Variants in SLC24A2 observed in about 807,000 individuals in gnomAD.
The protein encoded by SLC24A2 is sodium/potassium/calcium exchanger 2.
A neutral mutation model predicts 62.0 loss-of-function variants in SLC24A2; 36 were observed. The ratio of observed to expected loss-of-function variants is 0.58; its 90% confidence interval spans 0.44 to 0.77. The LOEUF (loss-of-function observed/expected upper bound fraction) is 0.77. SLC24A2 is among the 30% of genes least tolerant of loss of function. SLC24A2 has a pLI of 0.00. For missense variants in SLC24A2, 846 were observed against 817.9 expected, an observed-to-expected ratio of 1.03 and a Z score of -0.42; for synonymous variants, 358 against 294.0, an observed-to-expected ratio of 1.22 and a Z score of -2.23.
the SLC24A2 span, among the ~76,000 whole-genome samples, chr9:19,960,517 G>C: frequency 7.9e-5 from 12 of 152,306 alleles, no homozygotes; most frequent in African/African-American, 2.9e-4. Flanking sequence ...CTGCTATTGT[G>C]TGGGCTAAAG....
At chr9:19,679,095 C>T (rs992125410) in intron 2 of SLC24A2, among the ~76,000 whole-genome samples, 3 of 152,112 alleles carry the variant, frequency 2.0e-5, no homozygotes, top group African/African-American at 4.8e-5. Context: ...AGGGACCTGG[C>T]AGGGGATTGA....
the SLC24A2 span, among the ~76,000 whole-genome samples, chr9:20,016,984 C>T: frequency 2.0e-5 from 3 of 152,084 alleles, no homozygotes; most frequent in Admixed American, 1.3e-4. Context: ...TTTAAAAGGG[C>T]ATAGTTGCTA....
the SLC24A2 span, among the ~76,000 whole-genome samples, chr9:19,990,635 C>CA: frequency 0.026 from 3,029 of 116,784 alleles, 75 homozygotes; most frequent in African/African-American, 0.072. Flanking sequence ...AAAAACAAAA[C>CA]AAAAAAAAAA....
At chr9:19,930,073 GTTAA>G in the SLC24A2 span, 2 of 152,032 alleles carry the variant, frequency 1.3e-5, no homozygotes, top group African/African-American at 4.8e-5. Context: ...AGTAACAAAG[GTTAA>G]TTTATTATTG....
chr9:19,953,384 G>C, the SLC24A2 span, among the ~76,000 whole-genome samples: 1 of 151,964 alleles, frequency 6.6e-6, no homozygotes, highest in Non-Finnish European at 1.5e-5. Flanking sequence ...TAGATATCAT[G>C]GCAGATCTGA....
intron 4 of SLC24A2, among the ~76,000 whole-genome samples, chr9:19,600,499 G>C (rs1366944349): frequency 6.6e-6 from 1 of 152,190 alleles, no homozygotes; most frequent in Non-Finnish European, 1.5e-5. Flanking sequence ...TGAAAGGTAG[G>C]TTATAATCAC....
At chr9:20,144,706 A>C in the SLC24A2 span, among the ~76,000 whole-genome samples, 1 of 152,118 alleles carries the variant, frequency 6.6e-6, no homozygotes, top group Non-Finnish European at 1.5e-5. Flanking sequence ...AAGGGTTGTC[A>C]ATCGGGGTCA....
chr9:19,787,730 T>C (rs534828217), intron 1 of SLC24A2, among the ~76,000 whole-genome samples: 113 of 152,166 alleles, frequency 7.4e-4, no homozygotes, highest in African/African-American at 2.6e-3. Context: ...GCTAAATATT[T>C]TTTTTAAAAA....
At chr9:19,768,019 T>A (rs1002303348) in intron 2 of SLC24A2, among the ~76,000 whole-genome samples, 1 of 152,154 alleles carries the variant, frequency 6.6e-6, no homozygotes, top group African/African-American at 2.4e-5. Flanking sequence ...GTCTTTCTTC[T>A]TCTTCTTATG....
the SLC24A2 span, among the ~76,000 whole-genome samples, chr9:19,855,123 T>G: frequency 1.3e-5 from 2 of 152,206 alleles, no homozygotes; most frequent in Non-Finnish European, 2.9e-5. Context: ...TCTGCTTTTT[T>G]CTGCTTTCCA....
the SLC24A2 span, among the ~76,000 whole-genome samples, chr9:20,087,306 A>G: frequency 1.3e-5 from 2 of 152,238 alleles, no homozygotes; most frequent in African/African-American, 4.8e-5. Context: ...TTTCTATAGT[A>G]CAGCTAAAAC....
At chr9:20,176,114 G>C in the SLC24A2 span, among the ~76,000 whole-genome samples, 1 of 152,014 alleles carries the variant, frequency 6.6e-6, no homozygotes, top group Non-Finnish European at 1.5e-5. Context: ...TCTTACCTTA[G>C]AGGCACATGC....
At chr9:20,050,555 A>G in the SLC24A2 span, among the ~76,000 whole-genome samples, 59 of 152,248 alleles carry the variant, frequency 3.9e-4, no homozygotes, top group African/African-American at 1.4e-3. Context: ...ATTATATGTG[A>G]GAATCAGTGT....
chr9:19,735,533 T>C (rs1275527553), intron 2 of SLC24A2, among the ~76,000 whole-genome samples: 1 of 152,210 alleles, frequency 6.6e-6, no homozygotes, highest in African/African-American at 2.4e-5. Flanking sequence ...TTATAAATCA[T>C]GCTGCTGTAA....
chr9:19,983,781 G>A, the SLC24A2 span, among the ~76,000 whole-genome samples: 2 of 152,000 alleles, frequency 1.3e-5, no homozygotes, highest in Admixed American at 6.6e-5. Flanking sequence ...ATATAAAAAT[G>A]AATATAACAC....
the SLC24A2 span, among the ~76,000 whole-genome samples, chr9:19,953,558 G>C: frequency 1.3e-5 from 2 of 151,906 alleles, no homozygotes; most frequent in Non-Finnish European, 2.9e-5. Context: ...GGAAAACCTA[G>C]TGTCTCAGTT....
the SLC24A2 span, among the ~76,000 whole-genome samples, chr9:20,197,239 G>C: frequency 1.1e-4 from 16 of 152,156 alleles, 1 homozygote; most frequent in African/African-American, 3.9e-4. Context: ...CCTTTATATA[G>C]AGAGGATTGC....
the SLC24A2 span, among the ~76,000 whole-genome samples, chr9:20,003,314 C>T: frequency 2.6e-5 from 4 of 152,144 alleles, no homozygotes; most frequent in African/African-American, 9.7e-5. Flanking sequence ...CACAAGTCAG[C>T]CAAAATCCAC....
At chr9:20,068,249 A>G in the SLC24A2 span, among the ~76,000 whole-genome samples, 1 of 151,940 alleles carries the variant, frequency 6.6e-6, no homozygotes, top group South Asian at 2.1e-4. Flanking sequence ...TTTTTAGTAG[A>G]GACGGGGTTT....
Sources: allele counts gnomAD v4.1 joint callset (sites outside exome capture counted in the v4.1 genomes callset), GRCh38; gene constraint gnomAD v4.1.1; transcripts MANE v1.5; gene names NCBI Gene and HGNC (gene_info 2026-07-23, HGNC 2026-07-21).